Variants in ZNF439 observed in about 807,000 individuals in gnomAD.
The protein encoded by ZNF439 is zinc finger protein 439.
In ZNF439, 40 loss-of-function variants were observed where a neutral mutation model predicts 47.3. The ratio of observed to expected loss-of-function variants is 0.85; its 90% confidence interval spans 0.66 to 1.10. The LOEUF (loss-of-function observed/expected upper bound fraction) is 1.10, where lower values mean the gene tolerates loss of function less well. Among genes scored for constraint, ZNF439 ranks in the 50% least tolerant of loss-of-function variants. The pLI is 0.00. For missense variants in ZNF439, 556 were observed against 601.1 expected, an observed-to-expected ratio of 0.93 and a Z score of 0.78; for synonymous variants, 171 against 198.8, an observed-to-expected ratio of 0.86 and a Z score of 1.18.
At chr19:11,849,964 A>G (rs1189887901) in intron 1 of ZNF439, 3 of 151,972 alleles carry the variant, frequency 2.0e-5, no homozygotes, top group Admixed American at 6.6e-5. Flanking sequence ...GTATAAGGAG[A>G]CCTGTCTCAC....
At chr19:11,852,802 G>A (rs769029044) in intron 1 of ZNF439, among the ~76,000 whole-genome samples, 42 of 152,070 alleles carry the variant, frequency 2.8e-4, no homozygotes, top group Non-Finnish European at 5.7e-4. Context: ...GAGCCACCAT[G>A]GCTGGCCTGA....
chr19:11,860,869 G>A (rs760836464), intron 1 of ZNF439, among the ~76,000 whole-genome samples: 4 of 152,278 alleles, frequency 2.6e-5, no homozygotes, highest in Non-Finnish European at 5.9e-5. Flanking sequence ...CTGGCGGCAG[G>A]TGCAGACACG....
chr19:11,866,192 T>C lies in ZNF439; in HGVS notation c.64-13T>C. 6.2e-7 allele frequency: 1 copy of C among 1,612,452 alleles called. No individual in the cohort carries two copies. The highest frequency in any genetic ancestry group is 8.5e-7 in the Non-Finnish European group (1 of 1,178,670). On this transcript the variant is annotated splice_polypyrimidine_tract_variant and intron_variant, in intron 1 of 3. Coordinates refer to ENST00000682736, the MANE Select transcript of ZNF439 (RefSeq NM_001348719.2). ...TCTCACCCATCCTCCTCTACACATG[T>C]GAGATGTTTCAGGACCCAGTGGCTT...
intron 1 of ZNF439, among the ~76,000 whole-genome samples, chr19:11,854,305 T>C (rs1568253922): frequency 6.6e-6 from 1 of 152,314 alleles, no homozygotes; most frequent in East Asian, 1.9e-4. Context: ...AAGGAAACAA[T>C]AGCCAAAATT....
intron 1 of ZNF439, among the ~76,000 whole-genome samples, chr19:11,854,816 C>A (rs921707914): frequency 6.6e-6 from 1 of 151,988 alleles, no homozygotes; most frequent in African/African-American, 2.4e-5. Flanking sequence ...AGTGATATAA[C>A]TGACAAGATT....
rs565884436 is a variant in ZNF439 at position 11,855,609 on chromosome 19, C to T, written c.63+6679C>T. Among the ~76,000 whole-genome samples the T allele has an allele frequency of 9.9e-5, 15 of 152,216 alleles. No individual in the cohort carries two copies. The South Asian group carries it at 2.3e-3, about 23-fold the overall frequency. ...GGGGAGTTAGGGGTCCTGGAGCCCA[C>T]GGTCCCTGATCATGATAGATTTCAG... On this transcript the variant is annotated intron_variant, in intron 1 of 3. Coordinates refer to ENST00000682736, the MANE Select transcript of ZNF439 (RefSeq NM_001348719.2).
chr19:11,859,356 C>T lies in ZNF439; in HGVS notation c.64-6849C>T, dbSNP rs1352591849. Among the ~76,000 whole-genome samples, 8 of 152,178 alleles carry T rather than the reference C, an allele frequency of 5.3e-5. No individual in the cohort carries two copies. The East Asian group carries it at 1.4e-3, about 26-fold the overall frequency. On this transcript the variant is annotated intron_variant, in intron 1 of 3. Transcript: ENST00000682736. Reference sequence around the variant, plus strand: ...TTGATGTTCCAGGTCTGAATAAGGGCCATTACCCAACAGCATATCCTCTGT... The same window carrying T: ...TTGATGTTCCAGGTCTGAATAAGGGTCATTACCCAACAGCATATCCTCTGT...
intron 1 of ZNF439, chr19:11,857,476 A>T (rs1976417632): frequency 6.6e-6 from 1 of 152,240 alleles, no homozygotes; most frequent in Non-Finnish European, 1.5e-5. Flanking sequence ...TATTACTGAT[A>T]CAGACTTGTC....
At chr19:11,855,035 C>G (rs185993231) in intron 1 of ZNF439, among the ~76,000 whole-genome samples, 1 of 152,296 alleles carries the variant, frequency 6.6e-6, no homozygotes, top group East Asian at 1.9e-4. Flanking sequence ...TCCATAACGT[C>G]TTTTGGATTG....
chr19:11,851,701 C>A (rs1212762250), intron 1 of ZNF439, among the ~76,000 whole-genome samples: 1 of 151,820 alleles, frequency 6.6e-6, no homozygotes. Flanking sequence ...GCTCTGTGGC[C>A]CAGGCTGGAG....
chr19:11,848,781 G>A lies in ZNF439; in HGVS notation c.-87G>A. On this transcript the variant is annotated 5_prime_UTR_variant, in exon 1 of 4. Coordinates refer to ENST00000682736, the MANE Select transcript of ZNF439 (RefSeq NM_001348719.2). ...TTCCTGCCGTCACCTTTGTCGCTGC[G>A]AGGGCGGCGGTTGGGATCTGGCCTT... 2 of 1,353,338 alleles carry A rather than the reference G, an allele frequency of 1.5e-6. No individual in the cohort carries two copies. The highest frequency in any genetic ancestry group is 9.7e-7 in the Non-Finnish European group (1 of 1,031,230). The allele number at this position is 1,353,338 out of a possible 1,614,324, so 83.8% of individuals were successfully genotyped here. A position where few individuals can be genotyped will look rare whatever the true frequency, so the allele number is the denominator to read the frequency against.
chr19:11,868,212 G>A lies in ZNF439; in HGVS notation c.1158G>A (p.Pro386=), dbSNP rs201064778. ...RHEKTHSGEK[P]YKCKQCGKAF... ...AAAAAACTCACAGTGGAGAGAAACC[G>A]TATAAATGCAAGCAATGTGGTAAAG... is the stretch of plus-strand genomic sequence containing the variant. The change falls in exon 4 of 4, where the codon CCG becomes CCA. Residue 386 remains proline (P), a synonymous_variant. Transcript: ENST00000682736. The A allele has an allele frequency of 4.0e-5, 65 of 1,613,560 alleles. No homozygotes were observed. Among genetic ancestry groups the A allele is most frequent in the Admixed American group, 2.2e-4 (13 of 59,934 alleles).
At chr19:11,865,287 G>T (rs1184044148) in intron 1 of ZNF439, among the ~76,000 whole-genome samples, 1 of 151,906 alleles carries the variant, frequency 6.6e-6, no homozygotes, top group African/African-American at 2.4e-5. Context: ...TGTAATTACG[G>T]TCTTGTTTTT....
intron 1 of ZNF439, among the ~76,000 whole-genome samples, chr19:11,859,072 C>T (rs139886181): frequency 6.6e-6 from 1 of 152,318 alleles, no homozygotes; most frequent in East Asian, 1.9e-4. Context: ...GTATACTTCA[C>T]AGGTGCTAGT....
chr19:11,855,244 C>T (rs1205055724), intron 1 of ZNF439, among the ~76,000 whole-genome samples: 2 of 152,144 alleles, frequency 1.3e-5, no homozygotes, highest in South Asian at 2.1e-4. Flanking sequence ...CCTTTAGGTC[C>T]CCAATCCACA....
intron 1 of ZNF439, among the ~76,000 whole-genome samples, chr19:11,862,248 C>T (rs986030432): frequency 2.0e-5 from 3 of 152,008 alleles, no homozygotes; most frequent in Non-Finnish European, 4.4e-5. Flanking sequence ...TTCCATTGTA[C>T]GGATGTTACC....
In ZNF439 at chr19:11,848,845, T is replaced by C. The variant is rs1387724462; in HGVS notation, c.-23T>C. 6 of 1,543,494 alleles carry C rather than the reference T, an allele frequency of 3.9e-6. No homozygotes were observed. Among genetic ancestry groups the C allele is most frequent in the Non-Finnish European group, 5.3e-6 (6 of 1,136,468 alleles). ...GGGACCTAGTGCCTCTACCCAGATT[T>C]CTGTCGCTCTGTCACCTGCGCTATG... On this transcript the variant is annotated 5_prime_UTR_variant, in exon 1 of 4. Transcript: ENST00000682736.
At position 11,867,728 on chromosome 19, in the gene ZNF439, G is replaced by A; in HGVS notation, c.674G>A (p.Gly225Glu). The A allele has an allele frequency of 1.9e-6, 3 of 1,614,152 alleles. No homozygotes were observed. Among genetic ancestry groups the A allele is most frequent in the Non-Finnish European group, 2.5e-6 (3 of 1,180,014 alleles). ...GGACCTTATAAATGTAAGTTTTGTG[G>A]GAAAGCATTCCATTGTCTCAGTTTA... is the stretch of plus-strand genomic sequence containing the variant. ...GDGPYKCKFC[G>E]KAFHCLSLYL... Residue 225 changes from glycine to glutamate, a missense_variant, in exon 4 of 4, where the codon GGG becomes GAG. Coordinates refer to ENST00000682736, the MANE Select transcript of ZNF439 (RefSeq NM_001348719.2).
intron 1 of ZNF439, among the ~76,000 whole-genome samples, chr19:11,863,972 C>T (rs1774058297): frequency 6.6e-6 from 1 of 152,074 alleles, no homozygotes; most frequent in African/African-American, 2.4e-5. Context: ...GATCTGTCCG[C>T]CTTGACCTCC....
Sources: gnomAD v4.1 joint callset for allele counts (sites outside exome capture counted in the v4.1 genomes callset) on GRCh38, gnomAD v4.1.1 for gene constraint, MANE v1.5 for transcripts, NCBI Gene and HGNC (gene_info 2026-07-23, HGNC 2026-07-21) for gene names.